VGLL4: variants seen among roughly 807,000 people sequenced by gnomAD.
The protein encoded by VGLL4 is transcription cofactor vestigial-like protein 4.
Under a neutral mutation model 21.0 loss-of-function variants are expected in VGLL4, and 7 were observed. That is an observed-to-expected ratio of 0.33 (90% CI 0.19 to 0.63). The LOEUF is 0.63. Ranked by LOEUF, VGLL4 falls within the 20% of genes least tolerant of loss-of-function variation. The pLI is 0.78. For missense variants in VGLL4, 394 were observed against 425.7 expected (o/e 0.93, Z 0.66); for synonymous variants, 222 against 173.2 (o/e 1.28, Z -2.21).
intron 1 of VGLL4, chr3:11,626,660 G>A: frequency 3.9e-6 from 1 of 256,944 alleles, no homozygotes; most frequent in Non-Finnish European, 7.8e-6. Context: ...CAGACAAAAT[G>A]GGTATCACAT....
intron 2 of VGLL4, among the ~76,000 whole-genome samples, chr3:11,702,359 C>T (rs2076692474): frequency 6.7e-6 from 1 of 150,152 alleles, no homozygotes; most frequent in African/African-American, 2.5e-5. Context: ...TGTGTAATCC[C>T]AGAATTTTGG....
intron 2 of VGLL4, among the ~76,000 whole-genome samples, chr3:11,577,741 A>G (rs1360842646): frequency 6.6e-6 from 1 of 152,234 alleles, no homozygotes; most frequent in African/African-American, 2.4e-5. Context: ...CTATCCAGAC[A>G]GCTGCCTACC....
At chr3:11,576,761 C>T (rs1235476420) in intron 2 of VGLL4, among the ~76,000 whole-genome samples, 3 of 152,246 alleles carry the variant, frequency 2.0e-5, no homozygotes, top group Non-Finnish European at 4.4e-5. Context: ...GCTGGAAAGG[C>T]CTTTCCTGTG....
chr3:11,596,596 G>C (rs944032237), intron 2 of VGLL4, among the ~76,000 whole-genome samples: 3 of 152,160 alleles, frequency 2.0e-5, no homozygotes, highest in Non-Finnish European at 4.4e-5. Context: ...TTATCTCCTA[G>C]CTCTTTCCAT....
At chr3:11,689,064 G>A (rs1327374246) in intron 2 of VGLL4, among the ~76,000 whole-genome samples, 1 of 151,734 alleles carries the variant, frequency 6.6e-6, no homozygotes, top group Non-Finnish European at 1.5e-5. Flanking sequence ...TCTTTTGGAG[G>A]GATTGAGGAG....
At chr3:11,720,990 C>T (rs56327306), upstream of VGLL4, among the ~76,000 whole-genome samples, 40,372 of 152,130 alleles carry the variant, frequency 0.27, 6,629 homozygotes, top group Non-Finnish European at 0.38. Flanking sequence ...AAAACATTTG[C>T]TTAACATATC....
intron 1 of VGLL4, among the ~76,000 whole-genome samples, chr3:11,606,984 G>A (rs1377836595): frequency 6.6e-6 from 1 of 152,132 alleles, no homozygotes; most frequent in Non-Finnish European, 1.5e-5. Context: ...CCCACCAGAA[G>A]GAACCAACTC....
Position 11,558,413 on chromosome 3 carries a change from T to A in VGLL4, c.*143A>T. 1 of 1,329,750 alleles carries A rather than the reference T, an allele frequency of 7.5e-7. No individual in the cohort carries two copies. The highest frequency in any genetic ancestry group is 1.0e-6 in the Non-Finnish European group (1 of 1,001,168). The allele number at this position is 1,329,750 out of a possible 1,614,324, so 82.4% of individuals were successfully genotyped here. On this transcript the variant is annotated 3_prime_UTR_variant, in exon 5 of 5. Coordinates refer to ENST00000430365, the MANE Select transcript of VGLL4 (RefSeq NM_001128219.3). Reference sequence around the variant, plus strand: ...AGCAAGTACAAAAACAGAACACAAATCCCAACAACATGGTTTTTGCAAATA... The same window carrying A: ...AGCAAGTACAAAAACAGAACACAAAACCCAACAACATGGTTTTTGCAAATA...
chr3:11,650,894 C>T (rs1053806450), intron 2 of VGLL4, among the ~76,000 whole-genome samples: 2 of 152,054 alleles, frequency 1.3e-5, no homozygotes, highest in Admixed American at 6.5e-5. Context: ...TCTCTAGGTC[C>T]GTCGCAATTT....
At chr3:11,679,369 GAA>G (rs146424551) in intron 2 of VGLL4, among the ~76,000 whole-genome samples, 2 of 148,714 alleles carry the variant, frequency 1.3e-5, no homozygotes, top group Admixed American at 6.7e-5. Flanking sequence ...AGTAAAAATT[GAA>G]AAAAAAAAAT....
At chr3:11,641,368 T>C (rs1373084984) in intron 1 of VGLL4, among the ~76,000 whole-genome samples, 1 of 152,202 alleles carries the variant, frequency 6.6e-6, no homozygotes, top group Non-Finnish European at 1.5e-5. Flanking sequence ...ACAACTTCCC[T>C]GGAATGCTGG....
intron 2 of VGLL4, among the ~76,000 whole-genome samples, chr3:11,658,571 G>A (rs879428628): frequency 1.1e-4 from 16 of 151,830 alleles, no homozygotes; most frequent in Admixed American, 9.8e-4. Context: ...ATTAATTAAA[G>A]AGCCAGCTGA....
upstream of VGLL4, among the ~76,000 whole-genome samples, chr3:11,645,859 C>A (rs978297120): frequency 1.3e-5 from 2 of 152,018 alleles, no homozygotes; most frequent in African/African-American, 2.4e-5. Flanking sequence ...GTAATCCCAG[C>A]TACTAGGGAG....
At chr3:11,578,668 T>C (rs2125218078) in intron 2 of VGLL4, among the ~76,000 whole-genome samples, 1 of 151,070 alleles carries the variant, frequency 6.6e-6, no homozygotes, top group African/African-American at 2.4e-5. Flanking sequence ...TATACACCCA[T>C]TGAAAATTTG....
At chr3:11,671,216 A>G in intron 2 of VGLL4, 1 of 1,555,626 alleles carries the variant, frequency 6.4e-7, no homozygotes, top group Non-Finnish European at 8.7e-7. Context: ...ATTTCAATTA[A>G]GAAATGTCAA....
At chr3:11,601,746 T>C in intron 2 of VGLL4, 87 bp downstream of exon 2, 1 of 1,406,332 alleles carries the variant, frequency 7.1e-7, no homozygotes. Context: ...ATGCAAATGA[T>C]AACATCAGAA....
intron 3 of VGLL4, 157 bp downstream of exon 3, chr3:11,564,640 C>T (rs1361035091): frequency 3.6e-6 from 3 of 829,626 alleles, no homozygotes; most frequent in Non-Finnish European, 1.8e-6. Flanking sequence ...GTCCCAAGTG[C>T]ACAACAGAGG....
chr3:11,679,877 TAA>T (rs1401876481), intron 2 of VGLL4, among the ~76,000 whole-genome samples: 1 of 152,160 alleles, frequency 6.6e-6, no homozygotes, highest in Non-Finnish European at 1.5e-5. Context: ...ATTTTAAAAA[TAA>T]AGTTAGTGTA....
intron 1 of VGLL4, 22 bp from the exon 2 acceptor site, chr3:11,602,044 A>C: frequency 1.3e-6 from 2 of 1,514,128 alleles, no homozygotes; most frequent in Non-Finnish European, 1.8e-6. Flanking sequence ...GAGATGATGT[A>C]GTCACTAAGC....
Sources: allele counts gnomAD v4.1 joint callset (sites outside exome capture counted in the v4.1 genomes callset), GRCh38; gene constraint gnomAD v4.1.1; transcripts MANE v1.5; gene names NCBI Gene and HGNC (gene_info 2026-07-23, HGNC 2026-07-21).